The following IQCJ variants were observed in gnomAD, a reference collection of about 807,000 sequenced individuals.
IQCJ encodes the protein IQ motif containing J, also known as IQ domain-containing protein J.
In IQCJ, 9 loss-of-function variants were observed where a neutral mutation model predicts 11.0. That is an observed-to-expected ratio of 0.82 (90% CI 0.49 to 1.43). The LOEUF (loss-of-function observed/expected upper bound fraction) is 1.43, where lower values mean the gene tolerates loss of function less well. Among genes scored for constraint, IQCJ ranks in the 40% most tolerant of loss-of-function variants. The pLI is 0.00. For missense variants in IQCJ, 146 were observed against 133.2 expected (o/e 1.10, Z -0.47); for synonymous variants, 55 against 51.3 (o/e 1.07, Z -0.31).
rs1333066366 is a variant in IQCJ, at chr3:159,262,949, C to A, written c.*218C>A. ...TCTCATTTCTCTATTATGGAGGTAT[C>A]TTTTTTGCTTTTCTTTATAATAGCA... is the stretch of plus-strand genomic sequence containing the variant. On this transcript the variant is annotated 3_prime_UTR_variant, in exon 4 of 4. Transcript: ENST00000397832. 3 of 1,283,328 alleles carry A rather than the reference C, an allele frequency of 2.3e-6. No individual in the cohort carries two copies. Among genetic ancestry groups the A allele is most frequent in the East Asian group, 2.9e-5 (1 of 34,392 alleles). The allele number at this position is 1,283,328 out of a possible 1,614,324, so 79.5% of individuals were successfully genotyped here.
At chr3:159,087,386 G>C (rs113713181) in intron 1 of IQCJ, among the ~76,000 whole-genome samples, 1 of 143,878 alleles carries the variant, frequency 7.0e-6, no homozygotes, top group Middle Eastern at 3.5e-3. Context: ...TCTCTTTTTT[G>C]GTTGTGTCTC....
At chr3:159,264,384 C>T (rs961797614), downstream of IQCJ, among the ~76,000 whole-genome samples, 8 of 152,204 alleles carry the variant, frequency 5.3e-5, no homozygotes, top group African/African-American at 1.9e-4. Context: ...ATTTATATCT[C>T]TGCACAGCTT....
chr3:159,086,845 C>A (rs540819571), intron 1 of IQCJ, among the ~76,000 whole-genome samples: 31 of 152,254 alleles, frequency 2.0e-4, no homozygotes, highest in African/African-American at 6.0e-4. Flanking sequence ...TCTAGATATA[C>A]AATCATGTCA....
At chr3:159,205,582 A>G (rs77479419) in intron 1 of IQCJ, among the ~76,000 whole-genome samples, 4,974 of 152,242 alleles carry the variant, frequency 0.033, 252 homozygotes, top group African/African-American at 0.11. Flanking sequence ...CCCAACCCCA[A>G]TAATATTGTT....
intron 1 of IQCJ, among the ~76,000 whole-genome samples, chr3:159,161,433 C>G (rs961869815): frequency 1.3e-5 from 2 of 152,026 alleles, no homozygotes; most frequent in Non-Finnish European, 2.9e-5. Flanking sequence ...GATATTAGCC[C>G]TTTGTCAGAT....
intron 1 of IQCJ, among the ~76,000 whole-genome samples, chr3:159,115,164 T>A (rs1337213126): frequency 6.6e-6 from 1 of 152,108 alleles, no homozygotes; most frequent in Non-Finnish European, 1.5e-5. Flanking sequence ...ATCTCAGTGG[T>A]TTCATATAAT....
chr3:159,237,294 A>C (rs558861775), intron 1 of IQCJ, among the ~76,000 whole-genome samples: 2 of 152,316 alleles, frequency 1.3e-5, no homozygotes, highest in Non-Finnish European at 2.9e-5. Flanking sequence ...AAAAATAAAA[A>C]ACAAACCAGA....
At chr3:159,198,189 C>G (rs1489759673) in intron 1 of IQCJ, among the ~76,000 whole-genome samples, 2 of 152,184 alleles carry the variant, frequency 1.3e-5, no homozygotes, top group Non-Finnish European at 2.9e-5. Flanking sequence ...TATAGGGTAA[C>G]TAGATGGACT....
intron 3 of IQCJ, among the ~76,000 whole-genome samples, chr3:159,257,570 G>A (rs979720009): frequency 1.3e-5 from 2 of 152,160 alleles, no homozygotes; most frequent in South Asian, 4.1e-4. Context: ...ATACTGGAGT[G>A]GAGGGGAAGC....
At chr3:159,184,216 A>G (rs1261190193) in intron 1 of IQCJ, among the ~76,000 whole-genome samples, 1 of 152,060 alleles carries the variant, frequency 6.6e-6, no homozygotes, top group Non-Finnish European at 1.5e-5. Flanking sequence ...TCTTTATATT[A>G]CTAAAATAAG....
chr3:159,236,071 C>G (rs1159114149), intron 1 of IQCJ, among the ~76,000 whole-genome samples: 3 of 151,998 alleles, frequency 2.0e-5, no homozygotes, highest in African/African-American at 4.8e-5. Flanking sequence ...AGTCTACTAC[C>G]TCATGTATGC....
chr3:159,101,374 G>C (rs1174066185), intron 1 of IQCJ, among the ~76,000 whole-genome samples: 1 of 151,992 alleles, frequency 6.6e-6, no homozygotes, highest in Non-Finnish European at 1.5e-5. Flanking sequence ...GTTCCTATTC[G>C]GCCATCTTGG....
At chr3:159,101,857 A>G (rs764180305) in intron 1 of IQCJ, among the ~76,000 whole-genome samples, 4 of 152,228 alleles carry the variant, frequency 2.6e-5, no homozygotes, top group Non-Finnish European at 5.9e-5. Context: ...AAATTATTTT[A>G]TAGTTGAATT....
intron 1 of IQCJ, among the ~76,000 whole-genome samples, chr3:159,239,857 G>A (rs1039452338): frequency 6.6e-6 from 1 of 152,128 alleles, no homozygotes; most frequent in Non-Finnish European, 1.5e-5. Flanking sequence ...TGCTTTATAG[G>A]TTTGTAGCCC....
intron 1 of IQCJ, among the ~76,000 whole-genome samples, chr3:159,204,686 G>A (rs1374794420): frequency 1.3e-5 from 2 of 152,178 alleles, no homozygotes; most frequent in Non-Finnish European, 2.9e-5. Context: ...AAGTGTCAAA[G>A]AATTTATGGC....
rs1165119711 is a variant in IQCJ at position 159,252,766 on chromosome 3, G to A, written c.114G>A (p.Lys38=). 1 of 1,612,636 alleles carries A rather than the reference G, an allele frequency of 6.2e-7. No homozygotes were observed. Among genetic ancestry groups the A allele is most frequent in the Non-Finnish European group, 8.5e-7 (1 of 1,179,240 alleles). Residue 38 remains lysine, a synonymous_variant, in exon 3 of 4, where the codon AAG becomes AAA. Coordinates refer to ENST00000397832, the MANE Select transcript of IQCJ (RefSeq NM_001042706.3). ...LAMDAENNIE[K]YPLNLQPLES... is the part of the protein sequence containing the mutation. Reference sequence around the variant, plus strand: ...TGGATGCAGAGAATAATATTGAAAAGTATCCCCTCAATCTACAGCCCTTGG... The same window carrying A: ...TGGATGCAGAGAATAATATTGAAAAATATCCCCTCAATCTACAGCCCTTGG...
At chr3:159,123,603 T>C (rs868067) in intron 1 of IQCJ, among the ~76,000 whole-genome samples, 103,656 of 151,114 alleles carry the variant, frequency 0.69, 35,497 homozygotes, top group East Asian at 0.71. Context: ...GGGAACAGAA[T>C]GGGTGGGCAG....
intron 1 of IQCJ, among the ~76,000 whole-genome samples, chr3:159,075,901 A>T (rs1207800343): frequency 1.3e-5 from 2 of 152,082 alleles, no homozygotes; most frequent in Non-Finnish European, 2.9e-5. Context: ...CTGAGCTCTT[A>T]GACATTGAGC....
At chr3:159,242,574 T>A (rs1210010913) in intron 1 of IQCJ, among the ~76,000 whole-genome samples, 16 of 151,804 alleles carry the variant, frequency 1.1e-4, no homozygotes, top group Admixed American at 9.2e-4. Context: ...TGAATCTTTT[T>A]TTTTTTTTTT....
Sources: gnomAD v4.1 joint callset for allele counts (sites outside exome capture counted in the v4.1 genomes callset) on GRCh38, gnomAD v4.1.1 for gene constraint, MANE v1.5 for transcripts, NCBI Gene and HGNC (gene_info 2026-07-23, HGNC 2026-07-21) for gene names.